The following PLXND1 variants were observed in gnomAD, a reference collection of about 807,000 sequenced individuals.
PLXND1 encodes the protein plexin-D1.
PLXND1 carries 54 observed loss-of-function variants against 197.7 expected under a neutral mutation model. That is an observed-to-expected ratio of 0.27 (90% CI 0.22 to 0.34). PLXND1 has a LOEUF of 0.34. PLXND1 is among the 10% of genes least tolerant of loss of function. PLXND1 has a pLI of 1.00. For missense variants in PLXND1, 2,127 were observed against 2,699.2 expected (o/e 0.79, Z 4.70); for synonymous variants, 1,180 against 1,161.2 (o/e 1.02, Z -0.33).
Position 129,566,646 on chromosome 3 carries a change from C to A in PLXND1, c.4087-15G>T. 1 of 1,521,394 alleles carries A rather than the reference C, an allele frequency of 6.6e-7. No homozygotes were observed. Among genetic ancestry groups the A allele is most frequent in the Non-Finnish European group, 9.1e-7 (1 of 1,102,166 alleles). The allele number at this position is 1,521,394 out of a possible 1,614,324, so 94.2% of individuals were successfully genotyped here. A position where few individuals can be genotyped will look rare whatever the true frequency, so the allele number is the denominator to read the frequency against. ...AGGGAGGAACACTGCAGAGGCAGAC[C>A]CCCAGCATCTCAGCGGGGCTGGACA... is the stretch of plus-strand genomic sequence containing the variant. On this transcript the variant is annotated splice_polypyrimidine_tract_variant and intron_variant, in intron 22 of 35. Coordinates refer to ENST00000324093, the MANE Select transcript of PLXND1 (RefSeq NM_015103.3).
chr3:129,573,026 G>A (rs944296107), intron 13 of PLXND1, 85 bp from the exon 14 acceptor site: 11 of 869,682 alleles, frequency 1.3e-5, no homozygotes, highest in East Asian at 5.3e-5. Context: ...CCCATTCCAC[G>A]CCATGCCACA....
At chr3:129,598,968 G>A (rs1402875097) in intron 1 of PLXND1, among the ~76,000 whole-genome samples, 1 of 152,218 alleles carries the variant, frequency 6.6e-6, no homozygotes, top group Non-Finnish European at 1.5e-5. Context: ...CACAGAGAAA[G>A]TTCTCAAGCA....
At position 129,561,831 on chromosome 3, in the gene PLXND1, C is replaced by A. The variant is rs769768899; in HGVS notation, c.4898G>T (p.Arg1633Leu). 8.7e-6 allele frequency: 14 copies of A among 1,613,654 alleles called. No individual in the cohort carries two copies. Among genetic ancestry groups the A allele is most frequent in the African/African-American group, 1.3e-5 (1 of 74,914 alleles). Residue 1633 changes from arginine to leucine, a missense_variant, in exon 28 of 36, where the codon CGC becomes CTC. Transcript: ENST00000324093. ...ATGGGCCAGCGTGTTAAGCTTCTTG[C>A]GGCCGTCTTCCACCACTGAGGTGTC... ...LDDTSVVEDG[R>L]KKLNTLAHYK...
rs372633629 is a variant in PLXND1 at position 129,562,915 on chromosome 3, C to T, written c.4697G>A (p.Gly1566Asp). ...RNLNVSFQGC[G>D]MDSLSVRAMD... ...GGCCCGCACGCTCAGCGAGTCCATG[C>T]CACAGCCCTGGAAGGACACGTTCAG... Residue 1566 changes from glycine to aspartate, a missense_variant, in exon 27 of 36, where the codon GGC becomes GAC. Physicochemically the swap from Gly to Asp is moderately conservative, Grantham distance 94. Transcript: ENST00000324093. 6.8e-6 allele frequency: 11 copies of T among 1,606,360 alleles called. No individual in the cohort carries two copies. The African/African-American group carries it at 1.3e-4, about 20-fold the overall frequency.
chr3:129,597,187 T>C (rs2108802389), intron 1 of PLXND1, among the ~76,000 whole-genome samples: 1 of 152,214 alleles, frequency 6.6e-6, no homozygotes, highest in East Asian at 1.9e-4. Flanking sequence ...CCGGAATGGC[T>C]AGATCCAAGC....
At chr3:129,604,617 T>C (rs531360199) in intron 1 of PLXND1, among the ~76,000 whole-genome samples, 24 of 152,330 alleles carry the variant, frequency 1.6e-4, no homozygotes, top group African/African-American at 4.1e-4. Flanking sequence ...CAGGAAATAT[T>C]TGCAGAATAG....
In PLXND1 at chr3:129,567,668, G is replaced by A. The variant is rs761458000; in HGVS notation, c.3973+30C>T. 19 of 1,576,922 alleles carry A rather than the reference G, an allele frequency of 1.2e-5. No individual in the cohort carries two copies. The East Asian group carries it at 4.3e-4, about 35-fold the overall frequency. ...CCATCCCCTAGGAGGGAAAGTTGAGGCCCAGCCCTGCAGGGTCCCCGCCCA... is the reference window on the plus strand; with the variant it reads ...CCATCCCCTAGGAGGGAAAGTTGAGACCCAGCCCTGCAGGGTCCCCGCCCA... On this transcript the variant is annotated intron_variant, in intron 21 of 35. Coordinates refer to ENST00000324093, the MANE Select transcript of PLXND1 (RefSeq NM_015103.3).
chr3:129,573,838 C>G (rs1474066398), intron 12 of PLXND1, 93 bp from the exon 13 acceptor site: 71 of 1,371,214 alleles, frequency 5.2e-5, no homozygotes, highest in Non-Finnish European at 6.8e-5. Context: ...CAGGGCACAG[C>G]CGTGCAGACC....
Position 129,574,488 on chromosome 3 carries a change from T to C in PLXND1, c.2533A>G (p.Met845Val). 6.2e-7 allele frequency: 1 copy of C among 1,612,270 alleles called. No homozygotes were observed. The highest frequency in any genetic ancestry group is 8.5e-7 in the Non-Finnish European group (1 of 1,179,458). ...FLDSPEPMTV[M>V]VYNCAMGSPD... ...CTGCCCATGGCACAGTTATAGACCA[T>C]GACTGGGGAGACACGGGGCAGCTCG... Residue 845 changes from methionine (M) to valine (V), a missense_variant and splice_region_variant, in exon 12 of 36, where the codon ATG becomes GTG. By Grantham distance (21) the Met-to-Val change is conservative. Transcript: ENST00000324093.
At position 129,572,846 on chromosome 3, in the gene PLXND1, TAGG is replaced by T. The variant is rs1350006099; in HGVS notation, c.2930_2932del (p.Ser977del). ...TGGGCTGCAGCCCCCCCTTACCACGTAGGAGAAGCGGTCCCGGGACTTGCCCTC... is the reference window on the plus strand; with the variant it reads ...TGGGCTGCAGCCCCCCCTTACCACGTAGAAGCGGTCCCGGGACTTGCCCTC... On this transcript the variant is annotated inframe_deletion, in exon 14 of 36. Transcript: ENST00000324093. The T allele has an allele frequency of 3.1e-6, 5 of 1,613,568 alleles. No individual in the cohort carries two copies. The Admixed American group carries it at 6.7e-5, about 22-fold the overall frequency.
chr3:129,581,909 A>G (rs2625997), intron 8 of PLXND1, among the ~76,000 whole-genome samples: 31,290 of 152,260 alleles, frequency 0.21, 3,424 homozygotes, highest in East Asian at 0.38. Flanking sequence ...TCCCACCACC[A>G]TAACCGAGCC....
Position 129,605,387 on chromosome 3 carries a change from A to G in PLXND1, c.1253T>C (p.Val418Ala). The G allele has an allele frequency of 6.7e-7, 1 of 1,501,462 alleles. No homozygotes were observed. Among genetic ancestry groups the G allele is most frequent in the Non-Finnish European group, 8.8e-7 (1 of 1,133,286 alleles). 93.0% of individuals were successfully genotyped at this position (1,501,462 alleles called of 1,614,324 possible). ...CGTGCCCTGCACCACGCTGTCGAGC[A>G]CCGCCACCACGTCGGGCGCCGGTTC... ...FVEPAPDVVA[V>A]LDSVVQGTGP... Residue 418 changes from valine (V) to alanine (A), a missense_variant, in exon 1 of 36, where the codon GTG (valine) becomes GCG (alanine). By Grantham distance (64) the Val-to-Ala change is moderately conservative. Around this residue, in one of 6 missense-constraint regions of PLXND1, gnomAD observed 1,095 missense variants for 1,259.8 expected, o/e 0.87. Coordinates refer to ENST00000324093, the MANE Select transcript of PLXND1 (RefSeq NM_015103.3).
rs1397295521 is a variant in PLXND1, at chr3:129,560,678, T to G, written c.5028+11A>C. ...GGGCTGGATCCCCCGGGGCCGAGGT[T>G]GGGCACTCACCAAATGGAAATACTT... On this transcript the variant is annotated intron_variant, in intron 30 of 35. Coordinates refer to ENST00000324093, the MANE Select transcript of PLXND1 (RefSeq NM_015103.3). 3.7e-6 allele frequency: 6 copies of G among 1,600,056 alleles called. No individual in the cohort carries two copies. Among genetic ancestry groups the G allele is most frequent in the Non-Finnish European group, 5.1e-6 (6 of 1,167,218 alleles).
At chr3:129,572,585 G>A (rs2085250190) in intron 15 of PLXND1, 24 bp downstream of exon 15, 3 of 1,485,906 alleles carry the variant, frequency 2.0e-6, no homozygotes, top group African/African-American at 1.4e-5. Context: ...GGCTGGAAGG[G>A]ATGGGCCAGG....
At chr3:129,576,006 A>G (rs993417295) in intron 9 of PLXND1, 151 bp from the exon 10 acceptor site, 1 of 639,258 alleles carries the variant, frequency 1.6e-6, no homozygotes, top group Non-Finnish European at 2.8e-6. Flanking sequence ...CCGTCCCCCA[A>G]AATCCCCTTC....
intron 27 of PLXND1, chr3:129,562,568 C>T: frequency 2.2e-6 from 1 of 462,696 alleles, no homozygotes. Context: ...ATTAGGAAGC[C>T]TTTCCTGAAG....
chr3:129,563,112 G>A lies in PLXND1; in HGVS notation c.4650C>T (p.Asn1550=). ...TLSEEWLLRE[N]IEAKPRNLNV... is the part of the protein sequence containing the mutation. ...GACTTACCCGGGGCTTGGCCTCGAT[G>A]TTCTCCCGCAGCAGCCACTCCTCAC... Residue 1550 remains asparagine (N), a synonymous_variant, in exon 26 of 36, where the codon AAC becomes AAT. Coordinates refer to ENST00000324093, the MANE Select transcript of PLXND1 (RefSeq NM_015103.3). 6.2e-7 allele frequency: 1 copy of A among 1,613,606 alleles called. No individual in the cohort carries two copies. Among genetic ancestry groups the A allele is most frequent in the Non-Finnish European group, 8.5e-7 (1 of 1,179,774 alleles).
chr3:129,584,696 CA>C, intron 5 of PLXND1, 134 bp from the exon 6 acceptor site: 1 of 787,260 alleles, frequency 1.3e-6, no homozygotes. Flanking sequence ...GGCCAGGACT[CA>C]GGGCCAGAGG....
chr3:129,565,781 T>C (rs1270333444), intron 24 of PLXND1, 106 bp downstream of exon 24: 1 of 1,231,792 alleles, frequency 8.1e-7, no homozygotes, highest in Non-Finnish European at 1.1e-6. Flanking sequence ...AGGGCTGGAA[T>C]ATGGGGGTGT....
Sources: gnomAD v4.1 joint callset for allele counts (sites outside exome capture counted in the v4.1 genomes callset) on GRCh38, gnomAD v4.1.1 for gene constraint, gnomAD v4.1.1 regional missense constraint, MANE v1.5 for transcripts, NCBI Gene and HGNC (gene_info 2026-07-23, HGNC 2026-07-21) for gene names.